The following ARSH variants were observed in gnomAD, a reference collection of about 807,000 sequenced individuals.
ARSH encodes arylsulfatase family member H, also known as arylsulfatase H.
In ARSH, 32 loss-of-function variants were observed where a neutral mutation model predicts 28.7. The ratio of observed to expected loss-of-function variants is 1.11; its 90% confidence interval spans 0.84 to 1.50. The LOEUF is 1.50. ARSH is among the 40% of genes most tolerant of loss of function. The pLI is 0.00. For synonymous variants in ARSH, 176 were observed against 177.3 expected (o/e 0.99, Z 0.06); for missense variants, 440 against 452.4 (o/e 0.97, Z 0.25).
chrX:3,023,707 T>C lies in ARSH; in HGVS notation c.902-314T>C, dbSNP rs183589674. On this transcript the variant is annotated intron_variant, in intron 5 of 8. Transcript: ENST00000381130. The stretch of plus-strand genomic sequence containing the variant: ...GAAATATGTACTATATATCATACAA[T>C]ATATAATAAATATATAATTAGTAAT... Among the ~76,000 whole-genome samples the C allele has an allele frequency of 1.3e-4, 14 of 107,385 alleles. 1 individual carries two copies. The highest frequency in any genetic ancestry group is 1.1e-3 in the Admixed American group (11 of 9,631). The allele number at this position is 107,385 out of a possible 115,157, so 93.3% of individuals were successfully genotyped here.
At chrX:3,009,897 A>T in intron 1 of ARSH, 133 bp from the exon 2 acceptor site, 2 of 748,849 alleles carry the variant, frequency 2.7e-6, no homozygotes, top group Non-Finnish European at 3.9e-6. Context: ...GACAGATTAA[A>T]GTTTTAAAAA....
chrX:3,027,442 C>T lies in ARSH; in HGVS notation c.1166C>T (p.Ser389Phe). 1 of 1,211,328 alleles carries T rather than the reference C, an allele frequency of 8.3e-7. No individual in the cohort carries two copies. The highest frequency in any genetic ancestry group is 1.1e-6 in the Non-Finnish European group (1 of 895,344). The change falls in exon 7 of 9, where the codon TCT becomes TTT. Residue 389 changes from serine to phenylalanine, a missense_variant. Transcript: ENST00000381130. ...TTAATGGACATCTATCCGACGCTGT[C>T]TTATATAGGCGGAGGGATCTTGTCC... The part of the protein sequence containing the change: ...TSLMDIYPTL[S>F]YIGGGILSQD...
chrX:3,023,896 A>C (rs1228913788), intron 5 of ARSH, 125 bp from the exon 6 acceptor site: 2 of 682,414 alleles, frequency 2.9e-6, no homozygotes, highest in Admixed American at 7.2e-5. Context: ...TAATTATACA[A>C]TATCGTGTAG....
intron 1 of ARSH, among the ~76,000 whole-genome samples, chrX:3,008,473 CTTTCTT>C (rs1569121826): frequency 1.0e-5 from 1 of 97,745 alleles, no homozygotes; most frequent in African/African-American, 3.8e-5. Context: ...TTCTTTCTTT[CTTTCTT>C]TCTTTCTTTC....
intron 2 of ARSH, among the ~76,000 whole-genome samples, chrX:3,012,554 AAAAAAAAAAAAAAAAT>A (rs2089850562): frequency 4.0e-5 from 1 of 25,045 alleles, no homozygotes; most frequent in Non-Finnish European, 6.3e-5. Context: ...AAAAAAAAAA[AAAAAAAAAAAAAAAAT>A]ATATATATAT....
chrX:3,012,769 T>C lies in ARSH; in HGVS notation c.215-278T>C, dbSNP rs892153939. Among the ~76,000 whole-genome samples, 3 of 105,688 alleles carry C rather than the reference T, an allele frequency of 2.8e-5. No homozygotes were observed. The Admixed American group carries it at 3.2e-4, about 11-fold the overall frequency. The allele number at this position is 105,688 out of a possible 115,157, so 91.8% of individuals were successfully genotyped here. ...TGAAACATTGAAGGTTAGCAGCCTC[T>C]ATATGAAAAACTAACGAAGGTTATT... On this transcript the variant is annotated intron_variant, in intron 2 of 8. Coordinates refer to ENST00000381130, the MANE Select transcript of ARSH (RefSeq NM_001011719.2).
At chrX:3,023,684 AAT>A (rs2089890662) in intron 5 of ARSH, among the ~76,000 whole-genome samples, 2 of 107,160 alleles carry the variant, frequency 1.9e-5, no homozygotes, top group Non-Finnish European at 3.8e-5. Context: ...ATTTGTAAGA[AAT>A]ATGTACTATA....
chrX:3,015,354 C>T lies in ARSH; in HGVS notation c.725C>T (p.Ala242Val). 8.3e-7 allele frequency: 1 copy of T among 1,211,703 alleles called. No homozygotes were observed. The highest frequency in any genetic ancestry group is 1.1e-6 in the Non-Finnish European group (1 of 895,477). The change falls in exon 4 of 9, where the codon GCT becomes GTT. Residue 242 changes from alanine to valine, a missense_variant. Coordinates refer to ENST00000381130, the MANE Select transcript of ARSH (RefSeq NM_001011719.2). ...CAGCCAATGAAAGAGGAGAAAGTAG[C>T]TTCCCTCATGCTGAAGGAGGCACTT... ...IQQPMKEEKV[A>V]SLMLKEALAF...
intron 2 of ARSH, among the ~76,000 whole-genome samples, chrX:3,012,258 C>G (rs1232573242): frequency 9.2e-6 from 1 of 108,389 alleles, no homozygotes. Context: ...TATATGGAGG[C>G]CAGGCACGGT....
At position 3,015,211 on chromosome X, in the gene ARSH, G is replaced by A; in HGVS notation, c.582G>A (p.Trp194Ter). The change falls in exon 4 of 9, where the codon TGG (tryptophan) becomes TGA (stop). Residue 194 changes from tryptophan to a stop codon, truncating the protein, a stop_gained. Transcript: ENST00000381130. LOFTEE classifies it high-confidence loss of function. ...TCGCCCGCTGGTTCTCAGTGCCATG[G>A]AAGGTCATCTTTGTCTTTGCTCTCC... Reference protein sequence around the residue: ...PKFARWFSVPWKVIFVFALLA... With the variant: ...PKFARWFSVP 1 of 1,210,853 alleles carries A rather than the reference G, an allele frequency of 8.3e-7. No homozygotes were observed. Among genetic ancestry groups the A allele is most frequent in the Non-Finnish European group, 1.1e-6 (1 of 895,115 alleles).
chrX:3,016,462 T>C (rs1232944557), intron 4 of ARSH, among the ~76,000 whole-genome samples: 1 of 111,725 alleles, frequency 9.0e-6, no homozygotes, highest in Non-Finnish European at 1.9e-5. Context: ...TATTGGATAG[T>C]GGCTCTGTAT....
Position 3,033,410 on chromosome X carries a change from A to G in ARSH, c.*25A>G. 5 of 1,171,680 alleles carry G rather than the reference A, an allele frequency of 4.3e-6. No individual in the cohort carries two copies. The highest frequency in any genetic ancestry group is 5.7e-6 in the Non-Finnish European group (5 of 874,431). ...AGACCATGCGGACCACGTGTTACCC[A>G]CCACAAACTTACTGTTACAATGGTC... On this transcript the variant is annotated 3_prime_UTR_variant, in exon 9 of 9. Transcript: ENST00000381130.
rs2089922663 is a variant in ARSH at position 3,034,105 on chromosome X, T to C, written c.*720T>C. Among the ~76,000 whole-genome samples the C allele has an allele frequency of 8.9e-6, 1 of 112,253 alleles. No homozygotes were observed. Among genetic ancestry groups the C allele is most frequent in the Non-Finnish European group, 1.9e-5 (1 of 53,343 alleles). ...AATAAGCAGTCAATAAATGTTATTATTACAAATGTTGTTGTAAGCATCATC... is the reference window on the plus strand; with the variant it reads ...AATAAGCAGTCAATAAATGTTATTACTACAAATGTTGTTGTAAGCATCATC... On this transcript the variant is annotated 3_prime_UTR_variant, in exon 9 of 9. Coordinates refer to ENST00000381130, the MANE Select transcript of ARSH (RefSeq NM_001011719.2).
rs1194027036 is a variant in ARSH, at chrX:3,033,280, C to G, written c.1584C>G (p.Phe528Leu). ...RRTLTPVPQQFSVFNTIWKPW... is the reference protein window; with the variant it reads ...RRTLTPVPQQLSVFNTIWKPW... ...CACTAACACCTGTCCCACAGCAGTT[C>G]TCTGTGTTCAACACAATTTGGAAAC... is the stretch of plus-strand genomic sequence containing the variant. The change falls in exon 9 of 9, where the codon TTC becomes TTG. Residue 528 changes from phenylalanine (F) to leucine (L), a missense_variant. Phe to Leu is a conservative substitution (Grantham distance 22, BLOSUM62 0). Transcript: ENST00000381130. 1 of 1,209,724 alleles carries G rather than the reference C, an allele frequency of 8.3e-7. No homozygotes were observed. The highest frequency in any genetic ancestry group is 1.7e-5 in the African/African-American group (1 of 57,264).
At position 3,015,052 on chromosome X, in the gene ARSH, C is replaced by T. The variant is rs761467371; in HGVS notation, c.423C>T (p.Tyr141=). Reference sequence around the variant, plus strand: ...TCAACCATGGTTTTCACTACTTTTACGGGGTGCCTTTTGGACTTTTAAGCG... The same window carrying T: ...TCAACCATGGTTTTCACTACTTTTATGGGGTGCCTTTTGGACTTTTAAGCG... The part of the protein sequence containing the change: ...HPLNHGFHYF[Y]GVPFGLLSDC... The change falls in exon 4 of 9, where the codon TAC becomes TAT. Residue 141 remains tyrosine, a synonymous_variant. Transcript: ENST00000381130. 4.9e-5 allele frequency: 59 copies of T among 1,209,042 alleles called. No individual in the cohort carries two copies. The highest frequency in any genetic ancestry group is 5.7e-5 in the Non-Finnish European group (51 of 894,922).
In ARSH at chrX:3,013,072, C is replaced by A; in HGVS notation, c.240C>A (p.Asn80Lys). 1 of 1,210,981 alleles carries A rather than the reference C, an allele frequency of 8.3e-7. No individual in the cohort carries two copies. The highest frequency in any genetic ancestry group is 1.1e-6 in the Non-Finnish European group (1 of 895,158). ...RSGMVSAYNL[N>K]RAFTWLGGSG... ...GGATGGTGTCTGCCTACAACCTGAA[C>A]CGTGCCTTCACGTGGCTTGGTGGGT... The change falls in exon 3 of 9, where the codon AAC becomes AAA. Residue 80 changes from asparagine to lysine, a missense_variant. Asn to Lys is a moderately conservative substitution (Grantham distance 94, BLOSUM62 0). Coordinates refer to ENST00000381130, the MANE Select transcript of ARSH (RefSeq NM_001011719.2).
chrX:3,015,077 G>A lies in ARSH; in HGVS notation c.448G>A (p.Asp150Asn), dbSNP rs2089862091. Residue 150 changes from aspartate to asparagine, a missense_variant, in exon 4 of 9, where the codon GAC becomes AAC. Coordinates refer to ENST00000381130, the MANE Select transcript of ARSH (RefSeq NM_001011719.2). ...CGGGGTGCCTTTTGGACTTTTAAGC[G>A]ACTGCCAGGCATCCAAGACACCAGA... ...FYGVPFGLLS[D>N]CQASKTPELH... 1.7e-6 allele frequency: 2 copies of A among 1,210,548 alleles called. No homozygotes were observed. The highest frequency in any genetic ancestry group is 2.2e-6 in the Non-Finnish European group (2 of 894,999).
chrX:3,014,184 T>C (rs1216807808), intron 3 of ARSH, among the ~76,000 whole-genome samples: 1 of 111,646 alleles, frequency 9.0e-6, no homozygotes, highest in Non-Finnish European at 1.9e-5. Context: ...GGAGAATTGC[T>C]TGAGCCAAGG....
At chrX:3,013,737 G>C (rs1410503470) in intron 3 of ARSH, among the ~76,000 whole-genome samples, 1 of 110,227 alleles carries the variant, frequency 9.1e-6, no homozygotes, top group African/African-American at 3.3e-5. Flanking sequence ...AGCATTGTAC[G>C]GTCCACTATT....
Sources: allele counts gnomAD v4.1 joint callset (sites outside exome capture counted in the v4.1 genomes callset), GRCh38; gene constraint gnomAD v4.1.1; transcripts MANE v1.5; gene names NCBI Gene and HGNC (gene_info 2026-07-23, HGNC 2026-07-21).